The following SH3KBP1 variants were observed in gnomAD, a reference collection of about 807,000 sequenced individuals.
The protein encoded by SH3KBP1 is SH3 domain-containing kinase-binding protein 1.
Under a neutral mutation model 50.1 loss-of-function variants are expected in SH3KBP1, and 8 were observed. That is an observed-to-expected ratio of 0.16 (90% CI 0.09 to 0.29). The LOEUF is 0.29. SH3KBP1 is among the 10% of genes least tolerant of loss of function. SH3KBP1 has a pLI of 1.00. For synonymous variants in SH3KBP1, 227 were observed against 218.6 expected, an observed-to-expected ratio of 1.04 and a Z score of -0.34; for missense variants, 377 against 535.2, an observed-to-expected ratio of 0.70 and a Z score of 2.92.
chrX:19,797,646 G>A (rs1479159600), intron 2 of SH3KBP1, among the ~76,000 whole-genome samples: 1 of 111,377 alleles, frequency 9.0e-6, no homozygotes, highest in African/African-American at 3.3e-5. Flanking sequence ...ATGTCTCTCC[G>A]TAATCAGTGA....
intron 8 of SH3KBP1, among the ~76,000 whole-genome samples, chrX:19,631,497 C>T (rs902273752): frequency 1.9e-5 from 2 of 106,272 alleles, no homozygotes; most frequent in African/African-American, 7.9e-5. Flanking sequence ...GCATGACCAG[C>T]GTTTTAAAAA....
chrX:19,735,004 T>A (rs147676141), intron 3 of SH3KBP1, among the ~76,000 whole-genome samples: 1,423 of 112,120 alleles, frequency 0.013, 25 homozygotes, highest in African/African-American at 0.044. Flanking sequence ...ACATATATGT[T>A]TTCATTTTTC....
At chrX:19,621,469 TTA>T (rs750737981) in intron 8 of SH3KBP1, among the ~76,000 whole-genome samples, 9 of 110,729 alleles carry the variant, frequency 8.1e-5, no homozygotes, top group South Asian at 7.6e-4. Flanking sequence ...CTGGATTTTT[TTA>T]TGAGTCTATT....
At chrX:19,602,636 G>A (rs1289041426) in intron 9 of SH3KBP1, among the ~76,000 whole-genome samples, 1 of 112,362 alleles carries the variant, frequency 8.9e-6, no homozygotes, top group Non-Finnish European at 1.9e-5. Flanking sequence ...CTAAAAAATA[G>A]GGAAATTATC....
At chrX:19,837,596 C>G (rs1053010329) in intron 1 of SH3KBP1, among the ~76,000 whole-genome samples, 1 of 107,379 alleles carries the variant, frequency 9.3e-6, no homozygotes, top group African/African-American at 3.4e-5. Context: ...GCATGCCACC[C>G]CACCCAGCTA....
At chrX:19,602,360 G>A (rs765454465) in intron 9 of SH3KBP1, among the ~76,000 whole-genome samples, 3 of 112,074 alleles carry the variant, frequency 2.7e-5, no homozygotes, top group African/African-American at 9.7e-5. Flanking sequence ...TGAAGGAGAA[G>A]CTTGGGACAT....
intron 15 of SH3KBP1, among the ~76,000 whole-genome samples, 189 bp from the exon 16 acceptor site, chrX:19,542,382 C>T (rs934444919): frequency 1.8e-5 from 2 of 111,989 alleles, no homozygotes; most frequent in Non-Finnish European, 3.8e-5. Flanking sequence ...ACTCACACGC[C>T]GCCTTCTATG....
chrX:19,691,401 T>A (rs1490764346), intron 5 of SH3KBP1, among the ~76,000 whole-genome samples: 6 of 96,634 alleles, frequency 6.2e-5, no homozygotes, highest in East Asian at 6.0e-4. Context: ...ATATATATAT[T>A]TTCAGGTTTT....
At position 19,684,048 on chromosome X, in the gene SH3KBP1, G is replaced by A. The variant is rs764277828; in HGVS notation, c.521-20C>T. On this transcript the variant is annotated intron_variant, in intron 5 of 17. Coordinates refer to ENST00000397821, the MANE Select transcript of SH3KBP1 (RefSeq NM_031892.3). ...TTAAACCTGTCAAGAGTGGGGATGG[G>A]GAGAGAAAGAGCTCAGAAATCAGCC... 1 of 1,167,523 alleles carries A rather than the reference G, an allele frequency of 8.6e-7. No homozygotes were observed. The highest frequency in any genetic ancestry group is 3.0e-5 in the East Asian group (1 of 33,639).
At chrX:19,570,455 G>A (rs913083414) in intron 12 of SH3KBP1, among the ~76,000 whole-genome samples, 1 of 112,003 alleles carries the variant, frequency 8.9e-6, no homozygotes, top group Non-Finnish European at 1.9e-5. Context: ...TCAGAGAGAA[G>A]TGACAGGACA....
At chrX:19,541,043 T>A (rs2064874003) in intron 16 of SH3KBP1, among the ~76,000 whole-genome samples, 1 of 111,092 alleles carries the variant, frequency 9.0e-6, no homozygotes, top group Non-Finnish European at 1.9e-5. Context: ...GCCTCCCAAG[T>A]GGCTGGGATT....
intron 2 of SH3KBP1, among the ~76,000 whole-genome samples, chrX:19,828,069 C>T (rs929071656): frequency 9.0e-6 from 1 of 110,733 alleles, no homozygotes; most frequent in Non-Finnish European, 1.9e-5. Flanking sequence ...TTAACTAACA[C>T]TACTAGGATA....
intron 8 of SH3KBP1, among the ~76,000 whole-genome samples, chrX:19,626,922 A>G (rs1569355569): frequency 9.0e-6 from 1 of 111,093 alleles, no homozygotes; most frequent in Admixed American, 9.6e-5. Context: ...ATGAACATTA[A>G]TGCTAGCTAA....
intron 6 of SH3KBP1, among the ~76,000 whole-genome samples, chrX:19,680,064 A>T (rs1282835732): frequency 9.0e-6 from 1 of 111,627 alleles, no homozygotes; most frequent in Non-Finnish European, 1.9e-5. Flanking sequence ...ACTGACTCAG[A>T]CAAGTGGATC....
chrX:19,728,557 C>A lies in SH3KBP1; in HGVS notation c.286+17761G>T, dbSNP rs377589158. Among the ~76,000 whole-genome samples the A allele has an allele frequency of 5.1e-4, 57 of 112,232 alleles. No homozygotes were observed. In the East Asian group the frequency reaches 9.8e-3, roughly 19 times the overall value. ...CATGGGGCATTCTCAGCAAAGAATT[C>A]TTTGAAGCTCTCCAGAGGCTTCTGA... is the stretch of plus-strand genomic sequence containing the variant. On this transcript the variant is annotated intron_variant, in intron 3 of 17. Transcript: ENST00000397821.
chrX:19,554,073 CATTATAT>C (rs2065363863), intron 13 of SH3KBP1, among the ~76,000 whole-genome samples: 10 of 46,443 alleles, frequency 2.2e-4, no homozygotes, highest in Admixed American at 3.5e-4. Flanking sequence ...TATTAAAATA[CATTATAT>C]ATATTAAAAT....
At chrX:19,874,763 G>A (rs1376011704) in intron 1 of SH3KBP1, among the ~76,000 whole-genome samples, 1 of 103,217 alleles carries the variant, frequency 9.7e-6, no homozygotes, top group African/African-American at 3.6e-5. Context: ...GGAAAGAGAA[G>A]GTGTGGGGAG....
chrX:19,764,001 C>T (rs753788417), intron 2 of SH3KBP1, among the ~76,000 whole-genome samples: 111 of 79,542 alleles, frequency 1.4e-3, no homozygotes, highest in Non-Finnish European at 2.3e-3. Flanking sequence ...GGTGACAGAG[C>T]AAGACTCTGT....
At chrX:19,758,470 C>T (rs1204300496) in intron 2 of SH3KBP1, among the ~76,000 whole-genome samples, 1 of 110,503 alleles carries the variant, frequency 9.0e-6, no homozygotes, top group African/African-American at 3.3e-5. Flanking sequence ...ATCCAGCTTT[C>T]TTTGGTGCCC....
Sources: gnomAD v4.1 joint callset for allele counts (sites outside exome capture counted in the v4.1 genomes callset) on GRCh38, gnomAD v4.1.1 for gene constraint, MANE v1.5 for transcripts, NCBI Gene and HGNC (gene_info 2026-07-23, HGNC 2026-07-21) for gene names.